The following ARHGAP23 variants were observed in gnomAD, a reference collection of about 807,000 sequenced individuals.
The protein encoded by ARHGAP23 is rho GTPase-activating protein 23.
In ARHGAP23, 34 loss-of-function variants were observed where a neutral mutation model predicts 136.3. The ratio of observed to expected loss-of-function variants is 0.25; its 90% confidence interval spans 0.19 to 0.33. The LOEUF (loss-of-function observed/expected upper bound fraction) is 0.33, where lower values mean the gene tolerates loss of function less well. Ranked by LOEUF, ARHGAP23 falls within the 10% of genes least tolerant of loss-of-function variation. The pLI is 1.00. For synonymous variants in ARHGAP23, 832 were observed against 920.5 expected, an observed-to-expected ratio of 0.90 and a Z score of 1.74; for missense variants, 1,808 against 2,139.0, an observed-to-expected ratio of 0.85 and a Z score of 3.05.
chr17:38,490,499 A>G lies in ARHGAP23; in HGVS notation c.3098A>G (p.Lys1033Arg), dbSNP rs1456209033. 1.5e-5 allele frequency: 24 copies of G among 1,549,332 alleles called. 1 individual carries two copies. Among genetic ancestry groups the G allele is most frequent in the South Asian group, 6.0e-5 (5 of 83,964 alleles). ...CCAGGACACTACTATGAAACGCTCA[A>G]ATTCCTTGTGGGCCATCTCAAGACC... is the stretch of plus-strand genomic sequence containing the variant. Reference protein sequence around the residue: ...DLPGHYYETLKFLVGHLKTIA... With the variant: ...DLPGHYYETLRFLVGHLKTIA... Residue 1033 changes from lysine to arginine, a missense_variant, in exon 19 of 24, where the codon AAA (lysine) becomes AGA (arginine). Transcript: ENST00000622683.
At chr17:38,430,391 A>G (rs1384105134) in intron 1 of ARHGAP23, among the ~76,000 whole-genome samples, 2 of 152,056 alleles carry the variant, frequency 1.3e-5, no homozygotes, top group African/African-American at 4.8e-5. Context: ...GGTGGGGGGA[A>G]GAGGCCCTGT....
At chr17:38,454,056 C>G (rs1463566095) in intron 1 of ARHGAP23, 2 of 148,780 alleles carry the variant, frequency 1.3e-5, no homozygotes, top group Non-Finnish European at 3.0e-5. Context: ...TCGGCGTGGA[C>G]TGCAGCGCCC....
chr17:38,463,849 A>G (rs1317662375), intron 6 of ARHGAP23, among the ~76,000 whole-genome samples: 2 of 152,136 alleles, frequency 1.3e-5, no homozygotes, highest in Non-Finnish European at 2.9e-5. Context: ...ACAGCCCCAC[A>G]GTCCCACCCT....
At chr17:38,480,503 A>G (rs941519495) in intron 14 of ARHGAP23, among the ~76,000 whole-genome samples, 4 of 151,876 alleles carry the variant, frequency 2.6e-5, no homozygotes, top group East Asian at 1.9e-4. Flanking sequence ...GTGTGGTGGC[A>G]GGCACCTGTA....
intron 16 of ARHGAP23, among the ~76,000 whole-genome samples, chr17:38,485,534 T>C (rs2144732984): frequency 6.6e-6 from 1 of 152,146 alleles, no homozygotes; most frequent in South Asian, 2.1e-4. Context: ...GGAAACAAAG[T>C]CAGGGCTGGG....
chr17:38,474,926 G>C (rs996846913), intron 11 of ARHGAP23, among the ~76,000 whole-genome samples: 3 of 152,170 alleles, frequency 2.0e-5, no homozygotes, highest in African/African-American at 7.2e-5. Flanking sequence ...AAGGGTCCTT[G>C]TGAGGGTGGC....
chr17:38,442,811 C>T (rs2038947979), intron 1 of ARHGAP23, among the ~76,000 whole-genome samples: 1 of 152,150 alleles, frequency 6.6e-6, no homozygotes, highest in African/African-American at 2.4e-5. Flanking sequence ...CAAGGCGCGT[C>T]CCACAGGGCC....
At chr17:38,474,118 A>G (rs1339951119) in intron 11 of ARHGAP23, among the ~76,000 whole-genome samples, 1 of 152,092 alleles carries the variant, frequency 6.6e-6, no homozygotes, top group African/African-American at 2.4e-5. Context: ...ACTGGGTTTC[A>G]CTATGTTGGC....
At chr17:38,423,413 C>T (rs566844642) in intron 1 of ARHGAP23, among the ~76,000 whole-genome samples, 1 of 151,956 alleles carries the variant, frequency 6.6e-6, no homozygotes, top group South Asian at 2.1e-4. Flanking sequence ...ATTCTATCGC[C>T]CAGGCAAGAG....
chr17:38,462,052 A>C (rs2039471926), intron 3 of ARHGAP23, among the ~76,000 whole-genome samples: 1 of 151,886 alleles, frequency 6.6e-6, no homozygotes, highest in Non-Finnish European at 1.5e-5. Flanking sequence ...TCCCGGGTTC[A>C]AGCAATTCTT....
chr17:38,499,639 G>A (rs965239907), intron 22 of ARHGAP23, among the ~76,000 whole-genome samples: 3 of 152,126 alleles, frequency 2.0e-5, no homozygotes, highest in African/African-American at 4.8e-5. Flanking sequence ...GGCAGAGAGG[G>A]ACCCCATGTC....
chr17:38,423,790 T>G (rs1007250504), upstream of ARHGAP23, among the ~76,000 whole-genome samples: 4 of 152,054 alleles, frequency 2.6e-5, no homozygotes, highest in African/African-American at 9.7e-5. Context: ...GCCATAAAAG[T>G]GCAAGAACCG....
chr17:38,440,427 C>T (rs1237121987), intron 1 of ARHGAP23, among the ~76,000 whole-genome samples: 1 of 152,210 alleles, frequency 6.6e-6, no homozygotes, highest in Admixed American at 6.5e-5. Context: ...TTTTGAAAAT[C>T]CTCAGACTAC....
At chr17:38,444,206 G>A (rs757523397) in intron 1 of ARHGAP23, among the ~76,000 whole-genome samples, 3 of 152,108 alleles carry the variant, frequency 2.0e-5, no homozygotes, top group Non-Finnish European at 2.9e-5. Context: ...CCTGGGGAGC[G>A]AGGTTGAGGG....
chr17:38,436,691 T>C (rs1009440205), intron 1 of ARHGAP23, among the ~76,000 whole-genome samples: 19 of 152,214 alleles, frequency 1.2e-4, no homozygotes, highest in Admixed American at 1.1e-3. Context: ...TGTAGAACCA[T>C]GAGTTCTAAG....
chr17:38,428,582 C>T (rs897971177), intron 1 of ARHGAP23, 34 bp downstream of exon 1: 20 of 1,362,430 alleles, frequency 1.5e-5, no homozygotes, highest in African/African-American at 3.0e-5. Context: ...TGGGCGGGGC[C>T]GGTAGCTGCT....
chr17:38,494,305 C>T (rs1248818773), intron 20 of ARHGAP23, among the ~76,000 whole-genome samples: 2 of 152,204 alleles, frequency 1.3e-5, no homozygotes, highest in African/African-American at 2.4e-5. Flanking sequence ...GCACTCGCGG[C>T]GGTGCCTGGC....
At chr17:38,451,368 T>C (rs1318904867) in intron 1 of ARHGAP23, 1 of 152,254 alleles carries the variant, frequency 6.6e-6, no homozygotes, top group Non-Finnish European at 1.5e-5. Flanking sequence ...TTGTATATGG[T>C]TGATCCTTTC....
chr17:38,453,544 G>A (rs2039240095), intron 1 of ARHGAP23: 1 of 152,782 alleles, frequency 6.5e-6, no homozygotes, highest in African/African-American at 2.4e-5. Flanking sequence ...TGCGTGTGAG[G>A]GTGCGAGGGT....
Sources: allele counts gnomAD v4.1 joint callset (sites outside exome capture counted in the v4.1 genomes callset), GRCh38; gene constraint gnomAD v4.1.1; transcripts MANE v1.5; gene names NCBI Gene and HGNC (gene_info 2026-07-23, HGNC 2026-07-21).